Variants in LGR5 observed in about 807,000 individuals in gnomAD.
LGR5 encodes leucine-rich repeat-containing G protein-coupled receptor 5.
A neutral mutation model predicts 76.7 loss-of-function variants in LGR5; 54 were observed. That is an observed-to-expected ratio of 0.70 (90% confidence interval 0.57 to 0.88). The LOEUF is 0.88. LGR5 is among the 40% of genes least tolerant of loss of function. The probability of loss-of-function intolerance (pLI) is 0.00; values close to 1 mark genes in which losing one functional copy is unlikely to be tolerated. For synonymous variants in LGR5, 406 were observed against 421.9 expected (o/e 0.96, Z 0.46); for missense variants, 1,078 against 1,073.3 (o/e 1.00, Z -0.06).
At position 71,440,541 on chromosome 12, in the gene LGR5, C is replaced by T. The variant is rs1184979738; in HGVS notation, c.212+249C>T. ...GCAACCCGGGAAAGCGCTGCTGCGC[C>T]GCAGCTTCCCAGTCCAGCGCTAGAA... On this transcript the variant is annotated intron_variant, in intron 1 of 17. Coordinates refer to ENST00000266674, the MANE Select transcript of LGR5 (RefSeq NM_003667.4). The surrounding 1 kb of genome is among the most constrained non-coding windows in gnomAD (Gnocchi z 5.3). 6.6e-6 allele frequency among the ~76,000 whole-genome samples: 1 copy of T among 152,206 alleles called. No individual in the cohort carries two copies. Among genetic ancestry groups the T allele is most frequent in the Non-Finnish European group, 1.5e-5 (1 of 68,032 alleles).
At chr12:71,533,301 C>T (rs12369494) in intron 3 of LGR5, among the ~76,000 whole-genome samples, 76 of 152,192 alleles carry the variant, frequency 5.0e-4, no homozygotes, top group African/African-American at 1.7e-3. Flanking sequence ...GCCGAGATTG[C>T]GCCACTGCAC....
intron 1 of LGR5, among the ~76,000 whole-genome samples, chr12:71,501,213 T>C (rs1247704230): frequency 6.6e-6 from 1 of 152,082 alleles, no homozygotes; most frequent in Non-Finnish European, 1.5e-5. Flanking sequence ...CCAAATGCTA[T>C]AGAAAAATAA....
intron 1 of LGR5, among the ~76,000 whole-genome samples, chr12:71,480,067 A>G (rs544052656): frequency 6.6e-6 from 1 of 152,300 alleles, no homozygotes; most frequent in South Asian, 2.1e-4. Flanking sequence ...CCAAACACTT[A>G]AGAATGAGGA....
intron 2 of LGR5, among the ~76,000 whole-genome samples, chr12:71,516,092 T>TA (rs1875419664): frequency 6.6e-6 from 1 of 151,136 alleles, no homozygotes; most frequent in South Asian, 2.1e-4. Flanking sequence ...AATCTTACAA[T>TA]AAACAAGAAG....
At position 71,566,697 on chromosome 12, in the gene LGR5, G is replaced by T; in HGVS notation, c.995G>T (p.Ser332Ile). The change falls in exon 10 of 18, where the codon AGT (serine) becomes ATT (isoleucine). Residue 332 changes from serine to isoleucine, a missense_variant. Ser to Ile is a moderately radical substitution (Grantham distance 142, BLOSUM62 -2). Coordinates refer to ENST00000266674, the MANE Select transcript of LGR5 (RefSeq NM_003667.4). ...TTAACTGGAACTGCAAACCTGGAGA[G>T]TCTGTAAGTACTGAGTAGACTCTTG... ...PDLTGTANLE[S>I]LTLTGAQISS... 1.2e-6 allele frequency: 2 copies of T among 1,612,400 alleles called. No individual in the cohort carries two copies. Among genetic ancestry groups the T allele is most frequent in the Non-Finnish European group, 8.5e-7 (1 of 1,178,510 alleles).
chr12:71,581,915 T>C (rs1879109455), intron 16 of LGR5, among the ~76,000 whole-genome samples: 3 of 152,222 alleles, frequency 2.0e-5, no homozygotes, highest in Non-Finnish European at 2.9e-5. Flanking sequence ...TCTGTATCTT[T>C]GGGGAAATAT....
chr12:71,478,914 T>G (rs904120970), intron 1 of LGR5, among the ~76,000 whole-genome samples: 3 of 152,198 alleles, frequency 2.0e-5, no homozygotes, highest in African/African-American at 7.2e-5. Context: ...AAGCATTACA[T>G]TCACATTCTC....
At chr12:71,559,910 T>C (rs7973299) in intron 7 of LGR5, among the ~76,000 whole-genome samples, 22,894 of 152,180 alleles carry the variant, frequency 0.15, 1,883 homozygotes, top group South Asian at 0.23. Context: ...TTCTTTTCTC[T>C]TTTTCTAAGC....
chr12:71,527,519 C>T (rs1219022921), intron 3 of LGR5, among the ~76,000 whole-genome samples: 1 of 152,110 alleles, frequency 6.6e-6, no homozygotes, highest in Non-Finnish European at 1.5e-5. Context: ...AAACTTCTTC[C>T]AACAAGGCTT....
chr12:71,580,723 G>T (rs916972930), intron 16 of LGR5, among the ~76,000 whole-genome samples: 1 of 151,966 alleles, frequency 6.6e-6, no homozygotes, highest in East Asian at 1.9e-4. Flanking sequence ...GCTTCAACCC[G>T]GGAGGCAGGT....
intron 3 of LGR5, among the ~76,000 whole-genome samples, chr12:71,534,736 CTCTTTT>C (rs1372395379): frequency 6.6e-6 from 1 of 152,216 alleles, no homozygotes; most frequent in Admixed American, 6.5e-5. Context: ...ACTTACTCTT[CTCTTTT>C]CCTTGGTAAC....
At chr12:71,471,676 A>G (rs1873110691) in intron 1 of LGR5, among the ~76,000 whole-genome samples, 1 of 151,690 alleles carries the variant, frequency 6.6e-6, no homozygotes, top group South Asian at 2.1e-4. Flanking sequence ...CTCTAAGAAA[A>G]TTTGTTTTGA....
chr12:71,582,726 G>A, intron 17 of LGR5, 187 bp downstream of exon 17: 1 of 546,890 alleles, frequency 1.8e-6, no homozygotes, highest in Non-Finnish European at 3.3e-6. Flanking sequence ...CTTGCCAATA[G>A]GATTGAGGTG....
chr12:71,460,203 A>G (rs1872635226), intron 1 of LGR5, among the ~76,000 whole-genome samples: 1 of 152,114 alleles, frequency 6.6e-6, no homozygotes, highest in Non-Finnish European at 1.5e-5. Flanking sequence ...AGCATGTGGA[A>G]GGAAATTTTC....
intron 1 of LGR5, among the ~76,000 whole-genome samples, chr12:71,450,013 G>T (rs972204133): frequency 4.6e-5 from 7 of 152,250 alleles, no homozygotes; most frequent in African/African-American, 1.4e-4. Flanking sequence ...GGCTACCCAG[G>T]GAATTTAGAA....
chr12:71,533,917 C>T (rs67998676), intron 3 of LGR5, among the ~76,000 whole-genome samples: 6,540 of 152,236 alleles, frequency 0.043, 154 homozygotes, highest in South Asian at 0.071. Context: ...AGCACATATG[C>T]CTCAAGAGAA....
chr12:71,548,091 C>T (rs1877285583), intron 4 of LGR5, among the ~76,000 whole-genome samples: 1 of 152,180 alleles, frequency 6.6e-6, no homozygotes, highest in African/African-American at 2.4e-5. Flanking sequence ...GGCAAGGCCA[C>T]TCATTATTGA....
intron 5 of LGR5, among the ~76,000 whole-genome samples, chr12:71,555,548 T>A (rs1877715815): frequency 1.3e-5 from 2 of 152,188 alleles, no homozygotes; most frequent in African/African-American, 2.4e-5. Context: ...ACTGAAATCA[T>A]TGTTTCCTGT....
intron 1 of LGR5, among the ~76,000 whole-genome samples, chr12:71,500,081 G>C (rs1339675815): frequency 2.0e-5 from 3 of 151,992 alleles, no homozygotes; most frequent in African/African-American, 7.3e-5. Flanking sequence ...AAAAGTTAAA[G>C]ATGACTCAGA....
Sources: allele counts gnomAD v4.1 joint callset (sites outside exome capture counted in the v4.1 genomes callset), GRCh38; gene constraint gnomAD v4.1.1; non-coding constraint Gnocchi (gnomAD v3.1); transcripts MANE v1.5; gene names NCBI Gene and HGNC (gene_info 2026-07-23, HGNC 2026-07-21).